The following TRPC5 variants were observed in gnomAD, a reference collection of about 807,000 sequenced individuals.
TRPC5 encodes the protein transient receptor potential cation channel subfamily C member 5.
TRPC5 carries 9 observed loss-of-function variants against 56.5 expected under a neutral mutation model. The ratio of observed to expected loss-of-function variants is 0.16; its 90% CI spans 0.10 to 0.28. TRPC5 has a LOEUF of 0.28. TRPC5 is among the 10% of genes least tolerant of loss of function. The pLI, the probability that TRPC5 is intolerant of heterozygous loss-of-function variation, is 1.00. For missense variants in TRPC5, 469 were observed against 748.9 expected (o/e 0.63, Z 4.36); for synonymous variants, 282 against 278.5 (o/e 1.01, Z -0.13).
At position 111,959,054 on chromosome X, in the gene TRPC5, A is replaced by G. The variant is rs975838130; in HGVS notation, c.-21-6613T>C. On this transcript the variant is annotated intron_variant, in intron 1 of 10. Transcript: ENST00000262839. Reference sequence around the variant, plus strand: ...TGACCTGTCCAACAATAGATGCTAAAGGGAGTCCTTGAGATTGGATTGCAA... The same window carrying G: ...TGACCTGTCCAACAATAGATGCTAAGGGGAGTCCTTGAGATTGGATTGCAA... Among the ~76,000 whole-genome samples the G allele has an allele frequency of 8.0e-5, 9 of 112,723 alleles. 1 individual carries two copies. Among genetic ancestry groups the G allele is most frequent in the Admixed American group, 4.7e-4 (5 of 10,621 alleles).
At position 111,856,564 on chromosome X, in the gene TRPC5, A is replaced by ATAATAATAATAT. The variant is rs1923237725; in HGVS notation, c.901-2459_901-2458insATATTATTATTA. On this transcript the variant is annotated intron_variant, in intron 3 of 10. Transcript: ENST00000262839. ...AATAATAATAATAATAATAATAATA[A>ATAATAATAATAT]TAATAATAATAGAGGCCGAGGCGGG... is the stretch of plus-strand genomic sequence containing the variant. Among the ~76,000 whole-genome samples the ATAATAATAATAT allele has an allele frequency of 2.9e-5, 3 of 104,423 alleles. No individual in the cohort carries two copies. The South Asian group carries it at 1.3e-3, about 46-fold the overall frequency. 90.7% of individuals were successfully genotyped at this position (104,423 alleles called of 115,157 possible).
At chrX:111,914,925 C>A (rs1925928857) in intron 2 of TRPC5, among the ~76,000 whole-genome samples, 1 of 111,273 alleles carries the variant, frequency 9.0e-6, no homozygotes, top group South Asian at 3.9e-4. Context: ...CAGGCAGAGG[C>A]ATTCCTCATC....
At chrX:111,988,668 A>C (rs1300486992) in intron 1 of TRPC5, among the ~76,000 whole-genome samples, 1 of 111,140 alleles carries the variant, frequency 9.0e-6, no homozygotes, top group African/African-American at 3.3e-5. Flanking sequence ...TGTAGTAAGT[A>C]TTCAATATAT....
intron 1 of TRPC5, among the ~76,000 whole-genome samples, chrX:111,964,634 A>C: frequency 8.9e-6 from 1 of 112,701 alleles, no homozygotes. Flanking sequence ...TCTTGGCAGA[A>C]ACTCTACAAG....
At chrX:112,026,181 C>A (rs1443172581) in intron 1 of TRPC5, among the ~76,000 whole-genome samples, 1 of 111,830 alleles carries the variant, frequency 8.9e-6, no homozygotes, top group East Asian at 2.8e-4. Flanking sequence ...GCCCAATCTC[C>A]CTTATGAAGC....
intron 1 of TRPC5, among the ~76,000 whole-genome samples, chrX:112,050,901 G>A (rs184003770): frequency 8.9e-6 from 1 of 112,384 alleles, no homozygotes; most frequent in East Asian, 2.8e-4. Flanking sequence ...ATCAAAATAC[G>A]TTAACTGACT....
chrX:111,798,713 A>T (rs953580442), intron 7 of TRPC5, among the ~76,000 whole-genome samples: 1 of 111,842 alleles, frequency 8.9e-6, no homozygotes, highest in Non-Finnish European at 1.9e-5. Flanking sequence ...ATGTGCAAAA[A>T]CTTTGCACTT....
At chrX:111,901,708 A>G in intron 3 of TRPC5, 1 of 432,288 alleles carries the variant, frequency 2.3e-6, no homozygotes, top group Non-Finnish European at 3.9e-6. Flanking sequence ...CTTGATCACC[A>G]TCATAATCAT....
At chrX:111,815,582 A>G (rs776255179) in intron 7 of TRPC5, among the ~76,000 whole-genome samples, 369 of 110,706 alleles carry the variant, frequency 3.3e-3, no homozygotes, top group African/African-American at 0.011. Flanking sequence ...TTAGCCAGGC[A>G]TGGTGGCACG....
At chrX:111,793,730 T>C (rs1002634449) in intron 7 of TRPC5, among the ~76,000 whole-genome samples, 5 of 111,833 alleles carry the variant, frequency 4.5e-5, no homozygotes, top group Non-Finnish European at 7.5e-5. Context: ...AAAACGTATC[T>C]CCACTCAAAA....
At position 111,769,765 on chromosome X, in the gene TRPC5, T is replaced by G. The variant is rs1177025752; in HGVS notation, c.*6548A>C. Among the ~76,000 whole-genome samples, 1 of 111,958 alleles carries G rather than the reference T, an allele frequency of 8.9e-6. No homozygotes were observed. Among genetic ancestry groups the G allele is most frequent in the Non-Finnish European group, 1.9e-5 (1 of 53,117 alleles). On this transcript the variant is annotated 3_prime_UTR_variant, in exon 11 of 11. Coordinates refer to ENST00000262839, the MANE Select transcript of TRPC5 (RefSeq NM_012471.3). ...ATTGTGTAGTAGCACTTGAAAATGTTTTTTGTTTGTTCGTTTGTTTGTTTT... is the reference window on the plus strand; with the variant it reads ...ATTGTGTAGTAGCACTTGAAAATGTGTTTTGTTTGTTCGTTTGTTTGTTTT...
At chrX:111,836,803 C>T (rs891602099) in intron 6 of TRPC5, among the ~76,000 whole-genome samples, 1 of 112,285 alleles carries the variant, frequency 8.9e-6, no homozygotes, top group Non-Finnish European at 1.9e-5. Context: ...AAAACTATTA[C>T]TATTACTGTT....
chrX:111,927,384 A>G (rs904692989), intron 2 of TRPC5, among the ~76,000 whole-genome samples: 1 of 112,389 alleles, frequency 8.9e-6, no homozygotes, highest in Non-Finnish European at 1.9e-5. Flanking sequence ...GGGCTCAGGC[A>G]TAGCTACCAA....
At chrX:112,041,416 A>C (rs1448084033) in intron 1 of TRPC5, among the ~76,000 whole-genome samples, 1 of 112,378 alleles carries the variant, frequency 8.9e-6, no homozygotes, top group African/African-American at 3.2e-5. Context: ...ACCGTGTGCC[A>C]GACACCATGT....
chrX:111,801,514 A>G (rs763113305), intron 7 of TRPC5, among the ~76,000 whole-genome samples: 1 of 112,165 alleles, frequency 8.9e-6, no homozygotes, highest in East Asian at 2.8e-4. Context: ...CATCAGCAAT[A>G]TACGAGGGTT....
In TRPC5 at chrX:112,035,535, A is replaced by G. The variant is rs1191482572; in HGVS notation, c.-22+46344T>C. On this transcript the variant is annotated intron_variant, in intron 1 of 10. Coordinates refer to ENST00000262839, the MANE Select transcript of TRPC5 (RefSeq NM_012471.3). ...CATATCCCTATGTTTGAACATTGCA[A>G]CAGAGATGATTTCTAACTCAGCAGA... 3.6e-5 allele frequency among the ~76,000 whole-genome samples: 4 copies of G among 110,952 alleles called. No individual in the cohort carries two copies. The East Asian group carries it at 1.1e-3, about 31-fold the overall frequency.
At chrX:111,877,627 G>A (rs1244307234) in intron 3 of TRPC5, among the ~76,000 whole-genome samples, 1 of 111,105 alleles carries the variant, frequency 9.0e-6, no homozygotes, top group African/African-American at 3.3e-5. Context: ...TAGAGATGAT[G>A]GGTAAAACCA....
chrX:111,885,542 G>GT (rs760694250), intron 3 of TRPC5, among the ~76,000 whole-genome samples: 68 of 97,805 alleles, frequency 7.0e-4, no homozygotes, highest in African/African-American at 1.8e-3. Context: ...TAATCAAAGG[G>GT]TTTTTTTTTT....
chrX:111,862,335 C>T (rs1055943262), intron 3 of TRPC5, among the ~76,000 whole-genome samples: 6 of 111,586 alleles, frequency 5.4e-5, no homozygotes, highest in African/African-American at 9.7e-5. Flanking sequence ...AAAATCTCTT[C>T]GCTTAAATGC....
Sources: allele counts gnomAD v4.1 joint callset (sites outside exome capture counted in the v4.1 genomes callset), GRCh38; gene constraint gnomAD v4.1.1; transcripts MANE v1.5; gene names NCBI Gene and HGNC (gene_info 2026-07-23, HGNC 2026-07-21).